Variants in KHDRBS2 observed in about 807,000 individuals in gnomAD.
The protein encoded by KHDRBS2 is KH domain-containing, RNA-binding, signal transduction-associated protein 2.
In KHDRBS2, 26 loss-of-function variants were observed where a neutral mutation model predicts 44.3. The ratio of observed to expected loss-of-function variants is 0.59; its 90% CI spans 0.43 to 0.81. The LOEUF (loss-of-function observed/expected upper bound fraction) is 0.81, where lower values mean the gene tolerates loss of function less well. Among genes scored for constraint, KHDRBS2 ranks in the 40% least tolerant of loss-of-function variants. The pLI is 0.00. For synonymous variants in KHDRBS2, 194 were observed against 151.1 expected (o/e 1.28, Z -2.08); for missense variants, 476 against 433.1 (o/e 1.10, Z -0.88).
intron 6 of KHDRBS2, among the ~76,000 whole-genome samples, chr6:61,749,763 G>A (rs747009014): frequency 9.9e-5 from 15 of 152,000 alleles, no homozygotes; most frequent in Non-Finnish European, 1.9e-4. Flanking sequence ...TGCAGACACC[G>A]AACAATATCT....
At chr6:61,900,474 T>C (rs1476093812) in intron 5 of KHDRBS2, among the ~76,000 whole-genome samples, 2 of 152,156 alleles carry the variant, frequency 1.3e-5, no homozygotes, top group Admixed American at 1.3e-4. Context: ...GCTATGAGTA[T>C]TTTTTATATT....
intron 7 of KHDRBS2, among the ~76,000 whole-genome samples, chr6:61,709,291 T>C (rs562493332): frequency 6.6e-6 from 1 of 151,610 alleles, no homozygotes; most frequent in African/African-American, 2.4e-5. Context: ...GTTCACAGGA[T>C]GAAATATAGG....
intron 5 of KHDRBS2, among the ~76,000 whole-genome samples, chr6:61,899,539 T>C (rs985148163): frequency 5.9e-5 from 9 of 151,960 alleles, no homozygotes; most frequent in Non-Finnish European, 1.0e-4. Context: ...ATCCAGGCCA[T>C]AAAGCACTAT....
At chr6:61,636,277 A>G in the KHDRBS2 span, among the ~76,000 whole-genome samples, 1 of 152,006 alleles carries the variant, frequency 6.6e-6, no homozygotes. Context: ...TTTGATTTCT[A>G]TTTACTGTAT....
chr6:61,969,164 A>G (rs912986053), intron 4 of KHDRBS2, among the ~76,000 whole-genome samples: 1 of 152,032 alleles, frequency 6.6e-6, no homozygotes, highest in Non-Finnish European at 1.5e-5. Flanking sequence ...TTATCTAAAT[A>G]AAGAATTTTT....
At chr6:62,080,268 T>G (rs1797140521) in intron 2 of KHDRBS2, among the ~76,000 whole-genome samples, 1 of 152,146 alleles carries the variant, frequency 6.6e-6, no homozygotes, top group African/African-American at 2.4e-5. Context: ...TACATTATTT[T>G]ACTTAGTTCT....
chr6:61,708,804 C>G (rs1457509471), intron 7 of KHDRBS2, among the ~76,000 whole-genome samples: 5 of 151,642 alleles, frequency 3.3e-5, no homozygotes, highest in Non-Finnish European at 7.4e-5. Flanking sequence ...AAATCTCCCA[C>G]TCACAGCCAA....
At chr6:61,866,281 G>A (rs1006193766) in intron 6 of KHDRBS2, among the ~76,000 whole-genome samples, 1 of 152,226 alleles carries the variant, frequency 6.6e-6, no homozygotes, top group Non-Finnish European at 1.5e-5. Context: ...AGGCTCCCAA[G>A]CCCCAATTCT....
intron 6 of KHDRBS2, among the ~76,000 whole-genome samples, chr6:61,868,850 C>T (rs1175878258): frequency 1.3e-5 from 2 of 152,124 alleles, no homozygotes; most frequent in Non-Finnish European, 2.9e-5. Context: ...GAGTTGCAGT[C>T]GCCTTTTCCG....
intron 2 of KHDRBS2, among the ~76,000 whole-genome samples, chr6:62,069,943 C>A (rs140040679): frequency 6.6e-6 from 1 of 151,548 alleles, no homozygotes; most frequent in Admixed American, 6.6e-5. Context: ...TTGATGGATA[C>A]CCTTTCTCTG....
the KHDRBS2 span, among the ~76,000 whole-genome samples, chr6:61,562,918 T>C: frequency 6.6e-6 from 1 of 152,180 alleles, no homozygotes; most frequent in South Asian, 2.1e-4. Flanking sequence ...ATGTATATAA[T>C]GCGTTATATC....
chr6:62,060,475 G>C (rs1365512895), intron 2 of KHDRBS2, among the ~76,000 whole-genome samples: 7 of 151,712 alleles, frequency 4.6e-5, no homozygotes, highest in Admixed American at 3.3e-4. Flanking sequence ...GAGAAAAAGT[G>C]AAATAATTCA....
At chr6:61,556,585 G>A in the KHDRBS2 span, among the ~76,000 whole-genome samples, 1 of 151,930 alleles carries the variant, frequency 6.6e-6, no homozygotes, top group Non-Finnish European at 1.5e-5. Flanking sequence ...TTTCTTTCAG[G>A]AAAATATGGA....
chr6:61,720,495 T>G (rs1203177619), intron 7 of KHDRBS2, among the ~76,000 whole-genome samples: 2 of 152,174 alleles, frequency 1.3e-5, no homozygotes, highest in Non-Finnish European at 2.9e-5. Context: ...TGGTACCTCA[T>G]TGTGGTTTTG....
the KHDRBS2 span, among the ~76,000 whole-genome samples, chr6:61,625,371 G>T: frequency 6.7e-6 from 1 of 149,020 alleles, no homozygotes; most frequent in African/African-American, 2.5e-5. Context: ...AGACTCTGAG[G>T]CATTCGAGAT....
the KHDRBS2 span, among the ~76,000 whole-genome samples, chr6:61,592,701 C>G: frequency 6.6e-6 from 1 of 151,916 alleles, no homozygotes; most frequent in Non-Finnish European, 1.5e-5. Flanking sequence ...AGTCTCCCAG[C>G]TGAAAGTTTA....
At chr6:61,561,724 G>A in the KHDRBS2 span, among the ~76,000 whole-genome samples, 1 of 152,094 alleles carries the variant, frequency 6.6e-6, no homozygotes, top group Non-Finnish European at 1.5e-5. Flanking sequence ...TGCCAGACTT[G>A]GTACTTACCC....
intron 5 of KHDRBS2, 52 bp from the exon 6 acceptor site, chr6:61,894,885 G>T: frequency 2.3e-6 from 3 of 1,310,088 alleles, no homozygotes; most frequent in Non-Finnish European, 3.2e-6. Flanking sequence ...AGAGAAAAGG[G>T]CCTATCACAG....
At chr6:61,720,239 C>T (rs1182257143) in intron 7 of KHDRBS2, among the ~76,000 whole-genome samples, 2 of 152,110 alleles carry the variant, frequency 1.3e-5, no homozygotes, top group Non-Finnish European at 2.9e-5. Flanking sequence ...AATAAACATA[C>T]GTGTGCATGT....
Sources: gnomAD v4.1 joint callset for allele counts (sites outside exome capture counted in the v4.1 genomes callset) on GRCh38, gnomAD v4.1.1 for gene constraint, MANE v1.5 for transcripts, NCBI Gene and HGNC (gene_info 2026-07-23, HGNC 2026-07-21) for gene names.